XPOT: variants seen among roughly 807,000 people sequenced by gnomAD.
XPOT encodes the protein exportin for tRNA.
A neutral mutation model predicts 128.2 loss-of-function variants in XPOT; 34 were observed. The ratio of observed to expected loss-of-function variants is 0.27; its 90% CI spans 0.20 to 0.35. The LOEUF (loss-of-function observed/expected upper bound fraction) is 0.35, where lower values mean the gene tolerates loss of function less well. Among genes scored for constraint, XPOT ranks in the 10% least tolerant of loss-of-function variants. The pLI is 1.00. For synonymous variants in XPOT, 348 were observed against 394.3 expected, an observed-to-expected ratio of 0.88 and a Z score of 1.39; for missense variants, 838 against 1,125.3, an observed-to-expected ratio of 0.74 and a Z score of 3.65.
chr12:64,430,750 A>G (rs2040231923), intron 17 of XPOT, among the ~76,000 whole-genome samples: 2 of 152,306 alleles, frequency 1.3e-5, no homozygotes, highest in South Asian at 4.1e-4. Flanking sequence ...CTAATTTAGA[A>G]GTTAAATTGT....
Position 64,424,715 on chromosome 12 carries a change from T to C in XPOT, c.1299T>C (p.Ser433=), listed in dbSNP as rs781609545. The change falls in exon 12 of 25, where the codon TCT becomes TCC. Residue 433 remains serine, a synonymous_variant. Transcript: ENST00000332707. ...LLASVRRVFS[S]TLQNWQTTRF... ...CCTCTGTTCGCAGAGTTTTTAGTTC[T>C]ACACTGCAGTAAGTTTGTCATTACT... is the stretch of plus-strand genomic sequence containing the variant. 6.2e-7 allele frequency: 1 copy of C among 1,613,796 alleles called. No individual in the cohort carries two copies. The highest frequency in any genetic ancestry group is 1.1e-5 in the South Asian group (1 of 91,036).
chr12:64,423,313 G>C (rs2040158581), intron 11 of XPOT, 69 bp downstream of exon 11: 2 of 1,086,550 alleles, frequency 1.8e-6, no homozygotes, highest in East Asian at 5.4e-5. Flanking sequence ...AATATTTCAA[G>C]TTCTTATTGT....
At chr12:64,421,531 G>A (rs2136020195) in intron 9 of XPOT, 60 bp downstream of exon 9, 5 of 1,129,236 alleles carry the variant, frequency 4.4e-6, no homozygotes, top group Middle Eastern at 2.2e-4. Context: ...ATGGAGAAGT[G>A]GAAAATATGG....
intron 6 of XPOT, 124 bp downstream of exon 6, chr12:64,419,218 A>G (rs2040116533): frequency 2.9e-6 from 2 of 688,116 alleles, no homozygotes; most frequent in East Asian, 5.9e-5. Context: ...ATATAATTAT[A>G]AATTTACCTG....
chr12:64,439,185 C>A, intron 22 of XPOT, 59 bp from the exon 23 acceptor site: 1 of 1,505,190 alleles, frequency 6.6e-7, no homozygotes. Context: ...TGTTCCGATT[C>A]TTTTTAAGCT....
intron 16 of XPOT, among the ~76,000 whole-genome samples, 174 bp downstream of exon 16, chr12:64,428,294 A>G (rs2040209842): frequency 6.6e-6 from 1 of 152,192 alleles, no homozygotes; most frequent in South Asian, 2.1e-4. Context: ...AAACATAGTA[A>G]TAGGAATCAA....
chr12:64,419,551 C>A (rs151308895), intron 6 of XPOT, among the ~76,000 whole-genome samples: 8 of 152,172 alleles, frequency 5.3e-5, no homozygotes, highest in East Asian at 1.9e-4. Flanking sequence ...TCAGGTGATC[C>A]GCCCGCCTTG....
rs1360271791 is a variant in XPOT, at chr12:64,414,965, A to G, written c.119A>G (p.Glu40Gly). 2 of 1,613,426 alleles carry G rather than the reference A, an allele frequency of 1.2e-6. No individual in the cohort carries two copies. The highest frequency in any genetic ancestry group is 1.7e-6 in the Non-Finnish European group (2 of 1,179,578). Residue 40 changes from glutamate to glycine, a missense_variant, in exon 3 of 25, where the codon GAA becomes GGA. Coordinates refer to ENST00000332707, the MANE Select transcript of XPOT (RefSeq NM_007235.6). ...ISPDAWQVCA[E>G]ALAQRTYSDD... ...CCAGATGCCTGGCAGGTGTGTGCAG[A>G]AGCTCTAGCCCAGAGGACATACAGG...
intron 11 of XPOT, among the ~76,000 whole-genome samples, chr12:64,424,358 T>C (rs916470135): frequency 3.9e-5 from 6 of 152,222 alleles, no homozygotes; most frequent in Non-Finnish European, 7.3e-5. Context: ...AGTTTTTCTA[T>C]ATAAATAGTG....
chr12:64,437,066 T>C (rs1162283927), intron 22 of XPOT, among the ~76,000 whole-genome samples: 1 of 152,234 alleles, frequency 6.6e-6, no homozygotes, highest in Non-Finnish European at 1.5e-5. Context: ...CATGAGCTTT[T>C]GCTCAGTGGT....
intron 23 of XPOT, among the ~76,000 whole-genome samples, chr12:64,439,968 A>G (rs1445795305): frequency 1.3e-5 from 2 of 152,214 alleles, no homozygotes; most frequent in Non-Finnish European, 1.5e-5. Flanking sequence ...TATTGTAAGA[A>G]CACTTACATG....
At chr12:64,422,022 C>T (rs905700723) in intron 9 of XPOT, among the ~76,000 whole-genome samples, 4 of 152,092 alleles carry the variant, frequency 2.6e-5, no homozygotes, top group African/African-American at 9.7e-5. Flanking sequence ...GTTGGTCAGG[C>T]TGGTCTTGAA....
chr12:64,443,697 C>T (rs1457354416), intron 23 of XPOT, among the ~76,000 whole-genome samples: 14 of 152,070 alleles, frequency 9.2e-5, no homozygotes, highest in East Asian at 3.9e-4. Context: ...TCAAGTGATC[C>T]GGCCACTTTG....
chr12:64,419,307 C>G (rs1451833014), intron 6 of XPOT, among the ~76,000 whole-genome samples: 1 of 151,788 alleles, frequency 6.6e-6, no homozygotes, highest in South Asian at 2.1e-4. Context: ...TAAAGTATTA[C>G]ATTACATTTT....
intron 12 of XPOT, 32 bp downstream of exon 12, chr12:64,424,755 A>C: frequency 6.2e-7 from 1 of 1,609,174 alleles, no homozygotes; most frequent in Non-Finnish European, 8.5e-7. Flanking sequence ...TAACAAGCCT[A>C]CTTCTTTCTT....
At chr12:64,445,263 GT>G in intron 24 of XPOT, 132 bp downstream of exon 24, 1 of 636,936 alleles carries the variant, frequency 1.6e-6, no homozygotes, top group Non-Finnish European at 2.6e-6. Context: ...AAGAGTATAA[GT>G]TAGGTAAGCA....
intron 15 of XPOT, among the ~76,000 whole-genome samples, chr12:64,427,156 G>C (rs1291964202): frequency 1.1e-5 from 1 of 91,270 alleles, no homozygotes; most frequent in Non-Finnish European, 2.1e-5. Context: ...TTTCGTTCTT[G>C]TTGCCCAGGC....
At chr12:64,419,191 G>C (rs1428768716) in intron 6 of XPOT, 97 bp downstream of exon 6, 3 of 952,628 alleles carry the variant, frequency 3.1e-6, no homozygotes, top group Non-Finnish European at 4.6e-6. Flanking sequence ...CTTTCTTGAG[G>C]TAAACTTTCT....
Position 64,420,227 on chromosome 12 carries a change from T to C in XPOT, c.647T>C (p.Ile216Thr). 3 of 1,605,906 alleles carry C rather than the reference T, an allele frequency of 1.9e-6. No individual in the cohort carries two copies. The highest frequency in any genetic ancestry group is 2.2e-5 in the East Asian group (1 of 44,820). Residue 216 changes from isoleucine (I) to threonine (T), a missense_variant, in exon 7 of 25, where the codon ATA (isoleucine) becomes ACA (threonine). Around this residue, in one of 3 missense-constraint regions of XPOT, gnomAD observed 761 missense variants for 988.3 expected, o/e 0.77. Coordinates refer to ENST00000332707, the MANE Select transcript of XPOT (RefSeq NM_007235.6). ...LEVVGAYVSW[I>T]DLSLIANDRF... ...GTAGTTGGGGCTTATGTCTCTTGGATAGACTTATCCCTTATAGCCAATGAT... is the reference window on the plus strand; with the variant it reads ...GTAGTTGGGGCTTATGTCTCTTGGACAGACTTATCCCTTATAGCCAATGAT...
Sources: allele counts gnomAD v4.1 joint callset (sites outside exome capture counted in the v4.1 genomes callset), GRCh38; gene constraint gnomAD v4.1.1; regional missense constraint gnomAD v4.1.1; transcripts MANE v1.5; gene names NCBI Gene and HGNC (gene_info 2026-07-23, HGNC 2026-07-21).